Variants in BCR observed in about 807,000 individuals in gnomAD.
BCR encodes BCR activator of RhoGEF and GTPase, also known as breakpoint cluster region protein.
Under a neutral mutation model 138.6 loss-of-function variants are expected in BCR, and 58 were observed. The ratio of observed to expected loss-of-function variants is 0.42; its 90% CI spans 0.34 to 0.52. The LOEUF (loss-of-function observed/expected upper bound fraction) is 0.52. Ranked by LOEUF, BCR falls within the 20% of genes least tolerant of loss-of-function variation. The probability of loss-of-function intolerance (pLI) is 0.06; values close to 1 mark genes in which losing one functional copy is unlikely to be tolerated. For synonymous variants in BCR, 786 were observed against 730.1 expected, an observed-to-expected ratio of 1.08 and a Z score of -1.23; for missense variants, 1,599 against 1,727.2, an observed-to-expected ratio of 0.93 and a Z score of 1.32.
chr22:23,255,166 G>A (rs1463789251), intron 2 of BCR, among the ~76,000 whole-genome samples: 2 of 152,144 alleles, frequency 1.3e-5, no homozygotes, highest in Non-Finnish European at 2.9e-5. Context: ...TGCACGCCTG[G>A]GACTGCTGCT....
At chr22:23,267,671 G>A (rs1056694107) in intron 4 of BCR, among the ~76,000 whole-genome samples, 3 of 152,032 alleles carry the variant, frequency 2.0e-5, no homozygotes, top group Non-Finnish European at 4.4e-5. Flanking sequence ...TTTTTCCCTC[G>A]CTGCCCATAA....
At chr22:23,276,350 G>A (rs1239744500) in intron 8 of BCR, among the ~76,000 whole-genome samples, 1 of 151,146 alleles carries the variant, frequency 6.6e-6, no homozygotes, top group Non-Finnish European at 1.5e-5. Context: ...AGTGAGCCGA[G>A]ATTGTGCCAC....
chr22:23,261,356 C>T lies in BCR; in HGVS notation c.1568C>T (p.Pro523Leu), dbSNP rs773774081. ...YLSHLEALLL[P>L]MKPLKAAATT... ...TACCTCACTTGTGCCCTCTTCCAGC[C>T]CATGAAGCCTTTGAAAGCCGCTGCC... Residue 523 changes from proline (P) to leucine (L), a missense_variant and splice_region_variant, in exon 4 of 23, where the codon CCC (proline) becomes CTC (leucine). Coordinates refer to ENST00000305877, the MANE Select transcript of BCR (RefSeq NM_004327.4). 1 of 1,611,640 alleles carries T rather than the reference C, an allele frequency of 6.2e-7. No homozygotes were observed. Among genetic ancestry groups the T allele is most frequent in the Non-Finnish European group, 8.5e-7 (1 of 1,178,882 alleles).
At chr22:23,250,119 G>A (rs1191407818) in intron 1 of BCR, among the ~76,000 whole-genome samples, 1 of 152,232 alleles carries the variant, frequency 6.6e-6, no homozygotes, top group Non-Finnish European at 1.5e-5. Flanking sequence ...CCAGCATGTG[G>A]CTTCGCACAT....
chr22:23,221,751 T>C (rs1450103095), intron 1 of BCR, among the ~76,000 whole-genome samples: 1 of 152,196 alleles, frequency 6.6e-6, no homozygotes, highest in East Asian at 1.9e-4. Flanking sequence ...CTTCCCACTT[T>C]TCTTTGTGGG....
chr22:23,266,187 C>T (rs1256967156), intron 4 of BCR, among the ~76,000 whole-genome samples: 2 of 151,998 alleles, frequency 1.3e-5, no homozygotes, highest in Non-Finnish European at 1.5e-5. Context: ...TGGGTTCAGG[C>T]GATTCTCCTG....
intron 1 of BCR, among the ~76,000 whole-genome samples, chr22:23,239,973 T>C (rs1357696167): frequency 6.6e-6 from 1 of 152,122 alleles, no homozygotes; most frequent in African/African-American, 2.4e-5. Flanking sequence ...TTGACCACCA[T>C]ACCTGGCTAA....
At chr22:23,196,705 C>T (rs1301079330) in intron 1 of BCR, among the ~76,000 whole-genome samples, 1 of 152,190 alleles carries the variant, frequency 6.6e-6, no homozygotes, top group Admixed American at 6.5e-5. Flanking sequence ...GGAGCCTGCA[C>T]AGCCTAGATC....
chr22:23,219,189 G>C (rs1004015385), intron 1 of BCR, among the ~76,000 whole-genome samples: 1 of 152,244 alleles, frequency 6.6e-6, no homozygotes, highest in Non-Finnish European at 1.5e-5. Context: ...TAAGCCGACA[G>C]ATGGCCCTGG....
intron 1 of BCR, among the ~76,000 whole-genome samples, chr22:23,251,600 A>T (rs1484475683): frequency 1.3e-5 from 2 of 152,222 alleles, no homozygotes; most frequent in Non-Finnish European, 2.9e-5. Flanking sequence ...AACAGTCTCC[A>T]CTTCAGGATT....
rs958930603 is a variant in BCR at position 23,234,993 on chromosome 22, C to T, written c.1280-18806C>T. Among the ~76,000 whole-genome samples, 7 of 144,320 alleles carry T rather than the reference C, an allele frequency of 4.9e-5. 1 individual carries two copies. Among genetic ancestry groups the T allele is most frequent in the African/African-American group, 1.7e-4 (7 of 40,876 alleles). 94.7% of individuals were successfully genotyped at this position (144,320 alleles called of 152,430 possible). A position where few individuals can be genotyped will look rare whatever the true frequency, so the allele number is the denominator to read the frequency against. Reference sequence around the variant, plus strand: ...CTCTGTGGCCACACATTGTCCCTCACACTCTTGATTTCTCAGCCACAGTGA... The same window carrying T: ...CTCTGTGGCCACACATTGTCCCTCATACTCTTGATTTCTCAGCCACAGTGA... On this transcript the variant is annotated intron_variant, in intron 1 of 22. Transcript: ENST00000305877.
chr22:23,289,442 G>T, intron 12 of BCR, 75 bp from the exon 13 acceptor site: 1 of 1,257,528 alleles, frequency 8.0e-7, no homozygotes, highest in Non-Finnish European at 1.2e-6. Flanking sequence ...GGTGTGTGGT[G>T]GAGGTCCAGT....
intron 1 of BCR, among the ~76,000 whole-genome samples, chr22:23,245,132 A>C (rs918117771): frequency 6.6e-6 from 1 of 152,244 alleles, no homozygotes; most frequent in Non-Finnish European, 1.5e-5. Flanking sequence ...ACCTTCAAGC[A>C]GGCAGAGCTG....
chr22:23,247,737 C>T (rs2073172068), intron 1 of BCR, among the ~76,000 whole-genome samples: 1 of 152,214 alleles, frequency 6.6e-6, no homozygotes, highest in African/African-American at 2.4e-5. Context: ...CATGCATTTC[C>T]TGGGAGCCCA....
chr22:23,282,559 C>A (rs925666603), intron 8 of BCR, among the ~76,000 whole-genome samples: 1 of 152,236 alleles, frequency 6.6e-6, no homozygotes, highest in Non-Finnish European at 1.5e-5. Flanking sequence ...CTGTTGCCTC[C>A]GGCCCCAGAA....
chr22:23,258,769 C>T (rs938870114), intron 2 of BCR, among the ~76,000 whole-genome samples: 1 of 152,236 alleles, frequency 6.6e-6, no homozygotes, highest in Non-Finnish European at 1.5e-5. Context: ...GAGACTCCTC[C>T]GGGCCTAGAT....
chr22:23,182,114 C>G lies in BCR; in HGVS notation c.1154C>G (p.Thr385Arg). 6.2e-7 allele frequency: 1 copy of G among 1,612,316 alleles called. No individual in the cohort carries two copies. Among genetic ancestry groups the G allele is most frequent in the Non-Finnish European group, 8.5e-7 (1 of 1,180,018 alleles). Residue 385 changes from threonine (T) to arginine (R), a missense_variant, in exon 1 of 23, where the codon ACG (threonine) becomes AGG (arginine). By Grantham distance (71) the Thr-to-Arg change is moderately conservative (BLOSUM62 -1). This residue lies in a region of BCR where 806 missense variants were observed against 635.0 expected (regional missense o/e 1.27). Coordinates refer to ENST00000305877, the MANE Select transcript of BCR (RefSeq NM_004327.4). The stretch of plus-strand genomic sequence containing the variant: ...TCCTTCGACAGCAGCAGTCCCCCCA[C>G]GCCGCAGTGCCATAAGCGGCACCGG... ...QQSFDSSSPP[T>R]PQCHKRHRHC...
chr22:23,313,548 G>C (rs915672053), intron 20 of BCR, among the ~76,000 whole-genome samples: 2 of 152,216 alleles, frequency 1.3e-5, no homozygotes, highest in African/African-American at 4.8e-5. Flanking sequence ...AGGACGACGA[G>C]GGGGTCTCTG....
intron 16 of BCR, chr22:23,306,701 TC>T (rs2073956841): frequency 6.6e-6 from 1 of 152,238 alleles, no homozygotes; most frequent in African/African-American, 2.4e-5. Flanking sequence ...GGGTGGGGTT[TC>T]CCTCAAAGCC....
Sources: gnomAD v4.1 joint callset for allele counts (sites outside exome capture counted in the v4.1 genomes callset) on GRCh38, gnomAD v4.1.1 for gene constraint, gnomAD v4.1.1 regional missense constraint, MANE v1.5 for transcripts, NCBI Gene and HGNC (gene_info 2026-07-23, HGNC 2026-07-21) for gene names.